SEC31A: variants seen among roughly 807,000 people sequenced by gnomAD.
The protein encoded by SEC31A is SEC31 homolog A, COPII component, also known as protein transport protein Sec31A.
SEC31A carries 70 observed loss-of-function variants against 151.0 expected under a neutral mutation model. The observed-to-expected ratio is 0.46, with a 90% CI of 0.38 to 0.57. The LOEUF (loss-of-function observed/expected upper bound fraction) is 0.57, where lower values mean the gene tolerates loss of function less well. SEC31A is among the 20% of genes least tolerant of loss of function. SEC31A has a pLI of 0.00. For missense variants in SEC31A, 1,330 were observed against 1,471.2 expected, an observed-to-expected ratio of 0.90 and a Z score of 1.57; for synonymous variants, 475 against 505.9, an observed-to-expected ratio of 0.94 and a Z score of 0.82.
chr4:82,852,401 A>G (rs1731648757), intron 18 of SEC31A, among the ~76,000 whole-genome samples: 2 of 152,220 alleles, frequency 1.3e-5, no homozygotes, highest in Admixed American at 1.3e-4. Context: ...GGAGTTTACT[A>G]TTTTAACTCA....
chr4:82,862,746 TTCACATGGAAGTAATTAGAAATAA>T (rs1268158556), intron 12 of SEC31A, among the ~76,000 whole-genome samples, 174 bp from the exon 13 acceptor site: 1 of 152,258 alleles, frequency 6.6e-6, no homozygotes, highest in African/African-American at 2.4e-5. Context: ...GCTAGCTTCT[TTCACATGGAAGTAATTAGAAATAA>T]TCCGACAATC....
At chr4:82,829,640 G>C (rs550583080) in intron 22 of SEC31A, among the ~76,000 whole-genome samples, 8 of 151,978 alleles carry the variant, frequency 5.3e-5, no homozygotes, top group Non-Finnish European at 8.8e-5. Flanking sequence ...AAGTAAAAAA[G>C]GGTATTCAAA....
At chr4:82,842,637 T>G in intron 21 of SEC31A, 156 bp from the exon 22 acceptor site, 1 of 621,342 alleles carries the variant, frequency 1.6e-6, no homozygotes, top group Non-Finnish European at 2.7e-6. Context: ...TTTTTGAGGC[T>G]CAAATGCCCC....
intron 18 of SEC31A, among the ~76,000 whole-genome samples, chr4:82,851,920 T>C (rs1437744858): frequency 1.3e-5 from 2 of 152,130 alleles, no homozygotes; most frequent in Admixed American, 6.5e-5. Flanking sequence ...TGTCTAAAGG[T>C]AGAAACTGTG....
rs889463914 is a variant in SEC31A, at chr4:82,819,128, A to G, written c.3609T>C (p.Ala1203=). The G allele has an allele frequency of 1.9e-6, 3 of 1,612,658 alleles. No homozygotes were observed. Among genetic ancestry groups the G allele is most frequent in the Middle Eastern group, 1.7e-4 (1 of 6,060 alleles). ...VSTSNFSETS[A]FMPVLKVVLT... is the part of the protein sequence containing the mutation. ...GAACAACTTTGAGAACTGGCATGAA[A>G]GCAGAGGTCTCACTGAAGTTGCTGG... Residue 1203 remains alanine, a synonymous_variant, in exon 27 of 27, where the codon GCT becomes GCC. Coordinates refer to ENST00000395310, the MANE Select transcript of SEC31A (RefSeq NM_001077207.4).
chr4:82,820,016 C>T (rs1175637742), intron 26 of SEC31A, among the ~76,000 whole-genome samples: 1 of 152,142 alleles, frequency 6.6e-6, no homozygotes, highest in Non-Finnish European at 1.5e-5. Context: ...CCCGCCTCAG[C>T]CTCCCAAAGT....
intron 24 of SEC31A, 137 bp downstream of exon 24, chr4:82,827,231 TA>T (rs1031448861): frequency 1.0e-4 from 98 of 959,930 alleles, no homozygotes; most frequent in East Asian, 4.8e-4. Flanking sequence ...TGATCGATCT[TA>T]AAAAAAAGTT....
At chr4:82,866,078 A>AAAAAGAAG (rs1198008642) in intron 10 of SEC31A, among the ~76,000 whole-genome samples, 3 of 152,052 alleles carry the variant, frequency 2.0e-5, no homozygotes, top group Non-Finnish European at 4.4e-5. Flanking sequence ...AAGAAAAGAA[A>AAAAAGAAG]AAAAGAAGAA....
intron 7 of SEC31A, chr4:82,871,442 G>A: frequency 6.8e-7 from 1 of 1,470,668 alleles, no homozygotes; most frequent in Non-Finnish European, 9.2e-7. Flanking sequence ...GCAAAACAAT[G>A]GATAACAAAA....
chr4:82,895,807 T>G (rs1720039622), upstream of SEC31A: 3 of 152,244 alleles, frequency 2.0e-5, no homozygotes, highest in Non-Finnish European at 2.9e-5. Flanking sequence ...GAACTCATTG[T>G]GCAGAAACAC....
At chr4:82,830,966 G>T in intron 22 of SEC31A, 1 of 1,211,466 alleles carries the variant, frequency 8.3e-7, no homozygotes, top group Non-Finnish European at 1.1e-6. Flanking sequence ...GTCTTGGATA[G>T]ACTGGTTTTC....
Position 82,842,326 on chromosome 4 carries a change from C to T in SEC31A, c.2782G>A (p.Ala928Thr), listed in dbSNP as rs142882690. The T allele has an allele frequency of 2.5e-6, 4 of 1,613,402 alleles. No homozygotes were observed. Among genetic ancestry groups the T allele is most frequent in the Non-Finnish European group, 3.4e-6 (4 of 1,179,692 alleles). ...GTAGGTGAAGAGGCCTGGTGCTGTGCTGCGTACAGCTGAGACTGCCCAGTA... is the reference window on the plus strand; with the variant it reads ...GTAGGTGAAGAGGCCTGGTGCTGTGTTGCGTACAGCTGAGACTGCCCAGTA... Reference protein sequence around the residue: ...SYTGQSQLYAAQHQASSPTSS... With the variant: ...SYTGQSQLYATQHQASSPTSS... The change falls in exon 22 of 27, where the codon GCA becomes ACA. Residue 928 changes from alanine (A) to threonine (T), a missense_variant. By Grantham distance (58) the Ala-to-Thr change is moderately conservative. Transcript: ENST00000395310.
intron 22 of SEC31A, among the ~76,000 whole-genome samples, chr4:82,831,540 G>A (rs780100457): frequency 6.6e-6 from 1 of 152,200 alleles, no homozygotes; most frequent in Non-Finnish European, 1.5e-5. Context: ...CCCTCTTGAA[G>A]TAGCAGGGAA....
At chr4:82,883,968 G>C (rs1447630362) in intron 1 of SEC31A, among the ~76,000 whole-genome samples, 1 of 147,122 alleles carries the variant, frequency 6.8e-6, no homozygotes, top group African/African-American at 2.5e-5. Flanking sequence ...TGTATTATTT[G>C]ACCATTTTTC....
intron 16 of SEC31A, among the ~76,000 whole-genome samples, chr4:82,855,375 CAAG>C (rs1166332719): frequency 1.3e-5 from 2 of 152,212 alleles, no homozygotes; most frequent in Middle Eastern, 3.4e-3. Flanking sequence ...TTAACTTCAT[CAAG>C]AAGGAAAAAG....
At chr4:82,836,421 C>A (rs1051736317) in intron 22 of SEC31A, among the ~76,000 whole-genome samples, 14 of 141,618 alleles carry the variant, frequency 9.9e-5, no homozygotes, top group Non-Finnish European at 1.2e-4. Flanking sequence ...AGGACTCAAA[C>A]AGATATTTGC....
intron 14 of SEC31A, among the ~76,000 whole-genome samples, chr4:82,858,848 G>A (rs1733390866): frequency 6.6e-6 from 1 of 151,436 alleles, no homozygotes; most frequent in South Asian, 2.1e-4. Context: ...GACTACAGGT[G>A]CCCACCACCA....
rs930739572 is a variant in SEC31A at position 82,871,276 on chromosome 4, A to G, written c.782+668T>C. On this transcript the variant is annotated intron_variant, in intron 7 of 26. Coordinates refer to ENST00000395310, the MANE Select transcript of SEC31A (RefSeq NM_001077207.4). ...TCTAACTATATGCACAAATTATCCT[A>G]TTTGTATAAAAATTATATTGGGATT... 3.1e-5 allele frequency: 42 copies of G among 1,377,002 alleles called. No homozygotes were observed. The African/African-American group carries it at 5.9e-4, about 19-fold the overall frequency. The allele number at this position is 1,377,002 out of a possible 1,614,324, so 85.3% of individuals were successfully genotyped here.
At chr4:82,891,486 G>A (rs1719755110), upstream of SEC31A, among the ~76,000 whole-genome samples, 1 of 152,226 alleles carries the variant, frequency 6.6e-6, no homozygotes, top group South Asian at 2.1e-4. Context: ...AATAACCGCC[G>A]TGGCCCGCAG....
Sources: gnomAD v4.1 joint callset for allele counts (sites outside exome capture counted in the v4.1 genomes callset) on GRCh38, gnomAD v4.1.1 for gene constraint, MANE v1.5 for transcripts, NCBI Gene and HGNC (gene_info 2026-07-23, HGNC 2026-07-21) for gene names.